The following SLC22A4 variants were observed in gnomAD, a reference collection of about 807,000 sequenced individuals.
SLC22A4 encodes the protein ET transporter.
Under a neutral mutation model 56.6 loss-of-function variants are expected in SLC22A4, and 39 were observed. The ratio of observed to expected loss-of-function variants is 0.69; its 90% CI spans 0.53 to 0.90. The LOEUF (loss-of-function observed/expected upper bound fraction) is 0.90, where lower values mean the gene tolerates loss of function less well. SLC22A4 is among the 40% of genes least tolerant of loss of function. SLC22A4 has a pLI of 0.00. For missense variants in SLC22A4, 594 were observed against 696.5 expected (o/e 0.85, Z 1.66); for synonymous variants, 241 against 281.4 (o/e 0.86, Z 1.44).
chr5:132,343,897 C>A lies in SLC22A4; in HGVS notation c.*62C>A. 9.3e-7 allele frequency: 1 copy of A among 1,073,190 alleles called. No individual in the cohort carries two copies. The highest frequency in any genetic ancestry group is 1.4e-6 in the Non-Finnish European group (1 of 701,692). 66.5% of individuals were successfully genotyped at this position (1,073,190 alleles called of 1,614,324 possible). ...AAAAATAAGACCCTGTGGAGAAATT[C>A]GTTGTTCCCACTGAAATGGACTGAC... On this transcript the variant is annotated 3_prime_UTR_variant, in exon 10 of 10. Coordinates refer to ENST00000200652, the MANE Select transcript of SLC22A4 (RefSeq NM_003059.3).
At chr5:132,305,906 TG>T (rs1268008331) in intron 1 of SLC22A4, among the ~76,000 whole-genome samples, 1 of 152,208 alleles carries the variant, frequency 6.6e-6, no homozygotes, top group African/African-American at 2.4e-5. Context: ...AAGCTTCCCA[TG>T]TTCTGTTCAT....
intron 1 of SLC22A4, among the ~76,000 whole-genome samples, chr5:132,298,459 AGAAG>A (rs1449386677): frequency 6.6e-6 from 1 of 152,222 alleles, no homozygotes; most frequent in Non-Finnish European, 1.5e-5. Flanking sequence ...AGGGACTGGA[AGAAG>A]GAAGGAGTAG....
chr5:132,328,124 A>G (rs1750733424), intron 5 of SLC22A4, among the ~76,000 whole-genome samples: 1 of 152,236 alleles, frequency 6.6e-6, no homozygotes, highest in Non-Finnish European at 1.5e-5. Context: ...GTATCCAAGT[A>G]GAGACACTGT....
At chr5:132,331,729 T>C (rs200743751) in intron 5 of SLC22A4, 27 bp from the exon 6 acceptor site, 24 of 1,497,778 alleles carry the variant, frequency 1.6e-5, no homozygotes, top group Non-Finnish European at 2.0e-5. Flanking sequence ...CTTAATCTCA[T>C]GGTTATTTGC....
chr5:132,307,949 A>G (rs1227865062), intron 1 of SLC22A4, among the ~76,000 whole-genome samples: 1 of 152,074 alleles, frequency 6.6e-6, no homozygotes, highest in Non-Finnish European at 1.5e-5. Context: ...AATGCGTGAT[A>G]CTCCTCAGCC....
chr5:132,314,954 G>A (rs868280826), intron 3 of SLC22A4, among the ~76,000 whole-genome samples: 17 of 152,212 alleles, frequency 1.1e-4, no homozygotes, highest in South Asian at 4.1e-4. Context: ...GCCCCAGCGG[G>A]AGGAGGCTGC....
At chr5:132,331,887 C>T in intron 6 of SLC22A4, 37 bp downstream of exon 6, 2 of 1,273,618 alleles carry the variant, frequency 1.6e-6, no homozygotes, top group Non-Finnish European at 2.3e-6. Flanking sequence ...AGATATCCAG[C>T]ACATAAGTAT....
intron 3 of SLC22A4, among the ~76,000 whole-genome samples, chr5:132,319,192 C>G (rs1271276060): frequency 6.6e-6 from 1 of 150,994 alleles, no homozygotes; most frequent in African/African-American, 2.4e-5. Flanking sequence ...GTCCTAGCTA[C>G]TTGGGAGGCT....
chr5:132,297,419 G>T (rs1749805028), intron 1 of SLC22A4, among the ~76,000 whole-genome samples: 1 of 152,122 alleles, frequency 6.6e-6, no homozygotes, highest in African/African-American at 2.4e-5. Flanking sequence ...ATGGATGGAT[G>T]GCTCTCCCCC....
At chr5:132,318,292 GC>G (rs1479121651) in intron 3 of SLC22A4, among the ~76,000 whole-genome samples, 1 of 152,162 alleles carries the variant, frequency 6.6e-6, no homozygotes, top group African/African-American at 2.4e-5. Context: ...CTATTACTGA[GC>G]ACCTGCCACA....
rs144442444 is a variant in SLC22A4, at chr5:132,323,589, G to A, written c.824+1234G>A. Among the ~76,000 whole-genome samples, 775 of 152,286 alleles carry A rather than the reference G, an allele frequency of 5.1e-3. 3 individuals are homozygous for A. Among genetic ancestry groups the A allele is most frequent in the Non-Finnish European group, 7.9e-3 (534 of 68,024 alleles). Reference sequence around the variant, plus strand: ...ACCCTGTCTGAGGACCGGGAAACCCGGCCTGAGGAGCAGTGAATAAGGGCT... The same window carrying A: ...ACCCTGTCTGAGGACCGGGAAACCCAGCCTGAGGAGCAGTGAATAAGGGCT... On this transcript the variant is annotated intron_variant, in intron 4 of 9. Transcript: ENST00000200652.
At position 132,322,262 on chromosome 5, in the gene SLC22A4, T is replaced by C; in HGVS notation, c.731T>C (p.Met244Thr). The change falls in exon 4 of 10, where the codon ATG becomes ACG. Residue 244 changes from methionine (M) to threonine (T), a missense_variant. Coordinates refer to ENST00000200652, the MANE Select transcript of SLC22A4 (RefSeq NM_003059.3). ...GVCTFFAVGY[M>T]LLPLFAYFIR... ...TGCACATTTTTTGCAGTTGGCTATA[T>C]GCTGCTGCCACTGTTTGCTTACTTC... 2.5e-6 allele frequency: 4 copies of C among 1,614,004 alleles called. No individual in the cohort carries two copies. The highest frequency in any genetic ancestry group is 3.4e-6 in the Non-Finnish European group (4 of 1,179,864).
chr5:132,330,853 A>ATAG (rs1378101782), intron 5 of SLC22A4, among the ~76,000 whole-genome samples: 5 of 152,208 alleles, frequency 3.3e-5, no homozygotes, highest in Non-Finnish European at 7.3e-5. Flanking sequence ...AATAATAATA[A>ATAG]TAGTTTAAAT....
At chr5:132,295,563 C>A in intron 1 of SLC22A4, 1 of 305,810 alleles carries the variant, frequency 3.3e-6, no homozygotes, top group Non-Finnish European at 6.4e-6. Flanking sequence ...TGCAAGGAAG[C>A]ACAGAAGGCG....
In SLC22A4 at chr5:132,294,691, C is replaced by G. The variant is rs971116318; in HGVS notation, c.75C>G (p.Leu25=). The G allele has an allele frequency of 1.2e-6, 2 of 1,614,220 alleles. No homozygotes were observed. Among genetic ancestry groups the G allele is most frequent in the Non-Finnish European group, 1.7e-6 (2 of 1,180,042 alleles). The stretch of plus-strand genomic sequence containing the variant: ...TCCAGCGCCTCATCTTCTTCCTGCT[C>G]AGCGCCAGCATCATCCCCAATGGCT... ...GPFQRLIFFL[L]SASIIPNGFN... Residue 25 remains leucine (L), a synonymous_variant, in exon 1 of 10, where the codon CTC becomes CTG. Transcript: ENST00000200652. This position sits in a 1 kb window ranked among gnomAD's most constrained non-coding sequence, Gnocchi z 5.6.
At position 132,312,412 on chromosome 5, in the gene SLC22A4, C is replaced by A. The variant is rs886192987; in HGVS notation, c.497+148C>A. ...TCAGTGATAGGAGGAGCCCCGATGTCTCCTATTCACCCCGCCCTCAGTCCC... is the reference window on the plus strand; with the variant it reads ...TCAGTGATAGGAGGAGCCCCGATGTATCCTATTCACCCCGCCCTCAGTCCC... On this transcript the variant is annotated intron_variant, in intron 2 of 9. Transcript: ENST00000200652. The A allele has an allele frequency of 5.9e-6, 4 of 676,552 alleles. No homozygotes were observed. The African/African-American group carries it at 7.0e-5, about 12-fold the overall frequency. 41.9% of individuals were successfully genotyped at this position (676,552 alleles called of 1,614,324 possible). A position where few individuals can be genotyped will look rare whatever the true frequency, so the allele number is the denominator to read the frequency against.
In SLC22A4 at chr5:132,335,957, C is replaced by A; in HGVS notation, c.1401C>A (p.Ala467=). The A allele has an allele frequency of 6.2e-7, 1 of 1,614,162 alleles. No homozygotes were observed. Among genetic ancestry groups the A allele is most frequent in the Non-Finnish European group, 8.5e-7 (1 of 1,180,024 alleles). The part of the protein sequence containing the change: ...RNMAVGVTST[A]SRVGSIIAPY... ...TGGCGGTGGGGGTCACATCCACGGCCTCCAGAGTGGGCAGCATCATTGCCC... is the reference window on the plus strand; with the variant it reads ...TGGCGGTGGGGGTCACATCCACGGCATCCAGAGTGGGCAGCATCATTGCCC... Residue 467 remains alanine, a synonymous_variant, in exon 8 of 10, where the codon GCC becomes GCA. Transcript: ENST00000200652.
chr5:132,321,781 G>A (rs1024654046), intron 3 of SLC22A4, among the ~76,000 whole-genome samples: 1 of 152,044 alleles, frequency 6.6e-6, no homozygotes, highest in Admixed American at 6.6e-5. Flanking sequence ...GGTGGTGCAC[G>A]CCTGTAGTTC....
chr5:132,315,303 C>T (rs1481617260), intron 3 of SLC22A4, among the ~76,000 whole-genome samples: 3 of 152,136 alleles, frequency 2.0e-5, no homozygotes, highest in Non-Finnish European at 4.4e-5. Flanking sequence ...CCAGGAGGAC[C>T]TGAAGGACCA....
Sources: allele counts gnomAD v4.1 joint callset (sites outside exome capture counted in the v4.1 genomes callset), GRCh38; gene constraint gnomAD v4.1.1; non-coding constraint Gnocchi (gnomAD v3.1); transcripts MANE v1.5; gene names NCBI Gene and HGNC (gene_info 2026-07-23, HGNC 2026-07-21).